IQCH: variants seen among roughly 807,000 people sequenced by gnomAD.
The protein encoded by IQCH is IQ domain-containing protein H.
In IQCH, 98 loss-of-function variants were observed where a neutral mutation model predicts 117.0. The observed-to-expected ratio is 0.84, with a 90% CI of 0.71 to 0.99. The LOEUF (loss-of-function observed/expected upper bound fraction) is 0.99. Ranked by LOEUF, IQCH falls within the 50% of genes least tolerant of loss-of-function variation. The pLI, the probability that IQCH is intolerant of heterozygous loss-of-function variation, is 0.00. For missense variants in IQCH, 1,102 were observed against 1,243.8 expected, an observed-to-expected ratio of 0.89 and a Z score of 1.72; for synonymous variants, 412 against 448.2, an observed-to-expected ratio of 0.92 and a Z score of 1.02.
chr15:67,295,082 C>T (rs1262856836), intron 4 of IQCH, among the ~76,000 whole-genome samples: 11 of 152,122 alleles, frequency 7.2e-5, no homozygotes, highest in South Asian at 4.1e-4. Context: ...TCCCTTGAGA[C>T]GGCTATTTTA....
At chr15:67,389,416 T>C (rs1971210375) in intron 12 of IQCH, among the ~76,000 whole-genome samples, 1 of 152,056 alleles carries the variant, frequency 6.6e-6, no homozygotes, top group African/African-American at 2.4e-5. Flanking sequence ...CCGTGTTTTT[T>C]CCCCTGAGGG....
At position 67,402,568 on chromosome 15, in the gene IQCH, T is replaced by C. The variant is rs78856583; in HGVS notation, c.2097+2263T>C. Among the ~76,000 whole-genome samples the C allele has an allele frequency of 4.3e-3, 658 of 152,318 alleles. 8 individuals are homozygous for C. Among genetic ancestry groups the C allele is most frequent in the African/African-American group, 0.015 (620 of 41,574 alleles). ...AATGTCCTATTACAGTTTGTAGACCTGTTTCTTTTGATAATGAAGATGTTG... is the reference window on the plus strand; with the variant it reads ...AATGTCCTATTACAGTTTGTAGACCCGTTTCTTTTGATAATGAAGATGTTG... On this transcript the variant is annotated intron_variant, in intron 14 of 20. Coordinates refer to ENST00000335894, the MANE Select transcript of IQCH (RefSeq NM_001031715.3).
chr15:67,374,970 G>A (rs1037904012), intron 10 of IQCH, among the ~76,000 whole-genome samples: 11 of 152,260 alleles, frequency 7.2e-5, no homozygotes, highest in South Asian at 6.2e-4. Context: ...TTAGCACAAA[G>A]GTGTGATAGA....
chr15:67,400,493 T>TTTC (rs951446113), intron 14 of IQCH, among the ~76,000 whole-genome samples, 188 bp downstream of exon 14: 2 of 135,900 alleles, frequency 1.5e-5, no homozygotes, highest in African/African-American at 5.6e-5. Context: ...TTTTTTTTCT[T>TTTC]TTTTTTTTTG....
rs1290725665 is a variant in IQCH at position 67,302,389 on chromosome 15, A to G, written c.387+22877A>G. Among the ~76,000 whole-genome samples, 6 of 152,310 alleles carry G rather than the reference A, an allele frequency of 3.9e-5. No individual in the cohort carries two copies. The East Asian group carries it at 9.6e-4, about 24-fold the overall frequency. On this transcript the variant is annotated intron_variant, in intron 4 of 20. Transcript: ENST00000335894. Reference sequence around the variant, plus strand: ...TGCTTCCATGCAAAAACCCTGGAGTAGTGCTGTGAGTGTTACCCACAGAAG... The same window carrying G: ...TGCTTCCATGCAAAAACCCTGGAGTGGTGCTGTGAGTGTTACCCACAGAAG...
chr15:67,274,258 C>A (rs1482441752), intron 3 of IQCH, among the ~76,000 whole-genome samples: 2 of 152,138 alleles, frequency 1.3e-5, no homozygotes, highest in Admixed American at 1.3e-4. Context: ...AAGCTTTCTA[C>A]CCCTTACTCT....
intron 18 of IQCH, among the ~76,000 whole-genome samples, chr15:67,478,666 C>T (rs1243067996): frequency 1.3e-5 from 2 of 152,078 alleles, no homozygotes; most frequent in African/African-American, 4.8e-5. Flanking sequence ...TGGCTCATGC[C>T]TGTAATCCCA....
chr15:67,337,813 CT>C (rs1350379759), intron 5 of IQCH, among the ~76,000 whole-genome samples: 1 of 152,158 alleles, frequency 6.6e-6, no homozygotes, highest in Non-Finnish European at 1.5e-5. Context: ...GTGAGACGGT[CT>C]TTAATTATTC....
intron 10 of IQCH, among the ~76,000 whole-genome samples, chr15:67,380,908 A>G (rs1970907680): frequency 6.6e-6 from 1 of 152,224 alleles, no homozygotes; most frequent in South Asian, 2.1e-4. Flanking sequence ...ATAAACAACT[A>G]CTACTTGGTA....
chr15:67,461,230 G>A (rs977361875), intron 16 of IQCH, among the ~76,000 whole-genome samples: 2 of 152,142 alleles, frequency 1.3e-5, no homozygotes, highest in African/African-American at 4.8e-5. Context: ...ACAAGAATAG[G>A]ATTAAATGAG....
intron 4 of IQCH, among the ~76,000 whole-genome samples, chr15:67,331,693 A>G (rs974182633): frequency 5.3e-5 from 8 of 152,080 alleles, no homozygotes; most frequent in African/African-American, 1.7e-4. Context: ...CAAGGCTGGC[A>G]GGACAGCTCT....
rs747591366 is a variant in IQCH at position 67,475,701 on chromosome 15, G to A, written c.2682G>A (p.Leu894=). 7 of 1,613,688 alleles carry A rather than the reference G, an allele frequency of 4.3e-6. No homozygotes were observed. In the East Asian group the frequency reaches 1.3e-4, roughly 31 times the overall value. ...KCMSALSMPM[L]ATSRYAVMTT... is the part of the protein sequence containing the mutation. ...TCAGTTGTGCTCCTTTCCAGATGCT[G>A]GCAACCAGTCGCTATGCAGTGATGA... is the stretch of plus-strand genomic sequence containing the variant. The change falls in exon 18 of 21, where the codon CTG becomes CTA. Residue 894 remains leucine, a synonymous_variant. Transcript: ENST00000335894. This position sits in a 1 kb window ranked among gnomAD's most constrained non-coding sequence, Gnocchi z 5.7.
intron 6 of IQCH, 41 bp downstream of exon 6, chr15:67,344,232 G>A (rs1303505990): frequency 6.3e-7 from 1 of 1,595,922 alleles, no homozygotes; most frequent in Non-Finnish European, 8.5e-7. Flanking sequence ...GGGACACACA[G>A]AAATTATCTC....
At chr15:67,347,546 GAA>G (rs556075977) in intron 6 of IQCH, among the ~76,000 whole-genome samples, 1 of 151,010 alleles carries the variant, frequency 6.6e-6, no homozygotes, top group Non-Finnish European at 1.5e-5. Context: ...AACATTGTAA[GAA>G]AAAAAATGAT....
intron 3 of IQCH, 25 bp downstream of exon 3, chr15:67,263,241 C>A: frequency 2.7e-6 from 3 of 1,114,416 alleles, no homozygotes; most frequent in Non-Finnish European, 2.7e-6. Context: ...CATTTAGAGC[C>A]CAAAGTAAAT....
In IQCH at chr15:67,395,311, C is replaced by T. The variant is rs1305510661; in HGVS notation, c.1653C>T (p.Ala551=). 1 of 1,613,296 alleles carries T rather than the reference C, an allele frequency of 6.2e-7. No individual in the cohort carries two copies. Reference sequence around the variant, plus strand: ...CCCAGAAGCATCATATGTGCCTGGCCACTCACCTGATGTACAGTCCCAAGG... The same window carrying T: ...CCCAGAAGCATCATATGTGCCTGGCTACTCACCTGATGTACAGTCCCAAGG... The part of the protein sequence containing the change: ...NIFPKHHMCL[A]THLMYSPKAI... The change falls in exon 13 of 21, where the codon GCC becomes GCT. Residue 551 remains alanine, a synonymous_variant. Transcript: ENST00000335894. The surrounding 1 kb of genome is among the most constrained non-coding windows in gnomAD (Gnocchi z 4.0).
rs1969217875 is a variant in IQCH at position 67,342,494 on chromosome 15, A to G, written c.509-1569A>G. ...TAAAGCAAGGGTTGAAATCGTGCTT[A>G]TAGTCTTCAGAATTCTCAGAAAATG... On this transcript the variant is annotated intron_variant, in intron 5 of 20. Coordinates refer to ENST00000335894, the MANE Select transcript of IQCH (RefSeq NM_001031715.3). The surrounding 1 kb of genome is among the most constrained non-coding windows in gnomAD (Gnocchi z 4.7). 1.3e-5 allele frequency among the ~76,000 whole-genome samples: 2 copies of G among 152,180 alleles called. No homozygotes were observed. The highest frequency in any genetic ancestry group is 2.9e-5 in the Non-Finnish European group (2 of 68,028).
rs540171508 is a variant in IQCH, at chr15:67,450,333, C to T, written c.2506-14794C>T. Among the ~76,000 whole-genome samples, 8 of 152,234 alleles carry T rather than the reference C, an allele frequency of 5.3e-5. No individual in the cohort carries two copies. The South Asian group carries it at 1.7e-3, about 32-fold the overall frequency. On this transcript the variant is annotated intron_variant, in intron 16 of 20. Coordinates refer to ENST00000335894, the MANE Select transcript of IQCH (RefSeq NM_001031715.3). ...AAAGGGAATGCTTCCAGTTTTTGCCCATTCAGTATGATATTGGCTGTGGGT... is the reference window on the plus strand; with the variant it reads ...AAAGGGAATGCTTCCAGTTTTTGCCTATTCAGTATGATATTGGCTGTGGGT...
At chr15:67,399,235 T>C (rs536312086) in intron 13 of IQCH, among the ~76,000 whole-genome samples, 6 of 152,308 alleles carry the variant, frequency 3.9e-5, no homozygotes, top group African/African-American at 1.4e-4. Context: ...TTATTTAAAT[T>C]AGCAGAACCT....
Sources: allele counts gnomAD v4.1 joint callset (sites outside exome capture counted in the v4.1 genomes callset), GRCh38; gene constraint gnomAD v4.1.1; non-coding constraint Gnocchi (gnomAD v3.1); transcripts MANE v1.5; gene names NCBI Gene and HGNC (gene_info 2026-07-23, HGNC 2026-07-21).